TLK1: variants seen among roughly 807,000 people sequenced by gnomAD.
TLK1 encodes the protein tousled like kinase 1.
Under a neutral mutation model 105.3 loss-of-function variants are expected in TLK1, and 24 were observed. The observed-to-expected ratio is 0.23, with a 90% CI of 0.17 to 0.32. The LOEUF is 0.32. Among genes scored for constraint, TLK1 ranks in the 10% least tolerant of loss-of-function variants. The pLI is 1.00. For missense variants in TLK1, 558 were observed against 910.5 expected, an observed-to-expected ratio of 0.61 and a Z score of 4.98; for synonymous variants, 321 against 310.4, an observed-to-expected ratio of 1.03 and a Z score of -0.36.
intron 12 of TLK1, among the ~76,000 whole-genome samples, chr2:171,017,948 G>A (rs893809146): frequency 6.6e-6 from 1 of 152,168 alleles, no homozygotes; most frequent in Non-Finnish European, 1.5e-5. Flanking sequence ...CAAGCAAACT[G>A]ACACACTTCT....
At position 171,130,024 on chromosome 2, in the gene TLK1, G is replaced by T. The variant is rs550000482; in HGVS notation, c.140-12167C>A. ...ATTTATTTTAACAATACAGCCAGCT[G>T]TAAGGTTAAGAACATGGGCTCTGTG... On this transcript the variant is annotated intron_variant, in intron 1 of 20. Transcript: ENST00000431350. Among the ~76,000 whole-genome samples the T allele has an allele frequency of 8.5e-5, 13 of 152,264 alleles. No homozygotes were observed. The South Asian group carries it at 2.7e-3, about 32-fold the overall frequency.
At position 171,050,053 on chromosome 2, in the gene TLK1, T is replaced by G. The variant is rs1248465857; in HGVS notation, c.843+11A>C. 2.5e-6 allele frequency: 4 copies of G among 1,604,948 alleles called. No individual in the cohort carries two copies. In the South Asian group the frequency reaches 4.4e-5, roughly 18 times the overall value. On this transcript the variant is annotated intron_variant, in intron 9 of 20. Coordinates refer to ENST00000431350, the MANE Select transcript of TLK1 (RefSeq NM_012290.5). The stretch of plus-strand genomic sequence containing the variant: ...AAGGGAAAGCGAAAATTTACTCAAC[T>G]TTTAGCCTACCTTTTCAATAAGAAG...
intron 1 of TLK1, among the ~76,000 whole-genome samples, chr2:171,199,149 T>C (rs943723940): frequency 2.0e-5 from 3 of 152,220 alleles, no homozygotes; most frequent in Non-Finnish European, 2.9e-5. Context: ...GGAATGTGCA[T>C]GTGTATCTGC....
At chr2:171,131,995 T>C (rs1019944547) in intron 1 of TLK1, among the ~76,000 whole-genome samples, 4 of 152,246 alleles carry the variant, frequency 2.6e-5, no homozygotes, top group African/African-American at 7.2e-5. Flanking sequence ...TGAAAGATCT[T>C]ACATAAAATC....
intron 2 of TLK1, among the ~76,000 whole-genome samples, chr2:171,084,280 G>A (rs183800736): frequency 6.6e-6 from 1 of 152,258 alleles, no homozygotes; most frequent in East Asian, 1.9e-4. Flanking sequence ...GACTAAGTGG[G>A]AGGAGTCCAC....
intron 1 of TLK1, among the ~76,000 whole-genome samples, chr2:171,142,035 T>C (rs1421986707): frequency 6.6e-6 from 1 of 152,166 alleles, no homozygotes; most frequent in Non-Finnish European, 1.5e-5. Flanking sequence ...AGTTAATGTT[T>C]TCTAATGTTG....
chr2:171,133,646 C>A (rs2105561651), intron 1 of TLK1, among the ~76,000 whole-genome samples: 1 of 151,966 alleles, frequency 6.6e-6, no homozygotes, highest in Middle Eastern at 3.4e-3. Context: ...GGAATGGTTT[C>A]TTTCTGGCTT....
At chr2:171,111,062 G>A (rs1690137205) in intron 2 of TLK1, among the ~76,000 whole-genome samples, 2 of 151,584 alleles carry the variant, frequency 1.3e-5, no homozygotes, top group South Asian at 2.1e-4. Flanking sequence ...GCGGAAAAGG[G>A]AGAAGAAAAA....
intron 1 of TLK1, among the ~76,000 whole-genome samples, chr2:171,136,618 G>A (rs1478839447): frequency 6.6e-6 from 1 of 152,146 alleles, no homozygotes; most frequent in Non-Finnish European, 1.5e-5. Context: ...TTTATGTCGT[G>A]TGTTTTTTAA....
intron 8 of TLK1, 46 bp from the exon 9 acceptor site, chr2:171,050,220 G>A (rs1175978795): frequency 1.6e-6 from 2 of 1,288,946 alleles, no homozygotes; most frequent in South Asian, 2.9e-5. Flanking sequence ...TGGGGAATAT[G>A]AAAAGCTTAG....
At chr2:171,150,790 A>G (rs1202333635) in intron 1 of TLK1, among the ~76,000 whole-genome samples, 1 of 152,206 alleles carries the variant, frequency 6.6e-6, no homozygotes, top group Non-Finnish European at 1.5e-5. Flanking sequence ...TCCACATACA[A>G]TACCCAGTAT....
At chr2:171,166,713 C>T (rs1293764817) in intron 1 of TLK1, among the ~76,000 whole-genome samples, 4 of 152,292 alleles carry the variant, frequency 2.6e-5, no homozygotes, top group South Asian at 2.1e-4. Context: ...CTGGCAGTTC[C>T]GTTCCAAAGA....
chr2:171,214,244 G>A (rs1693673069), intron 1 of TLK1, among the ~76,000 whole-genome samples: 2 of 152,174 alleles, frequency 1.3e-5, no homozygotes, highest in Admixed American at 1.3e-4. Context: ...TGGGCAAGGT[G>A]GGACCTAGTG....
intron 1 of TLK1, among the ~76,000 whole-genome samples, chr2:171,154,226 A>G (rs1692150427): frequency 6.6e-6 from 1 of 152,112 alleles, no homozygotes; most frequent in Non-Finnish European, 1.5e-5. Context: ...TAACCTTGCA[A>G]AGGTTATACT....
chr2:171,038,818 A>G (rs1308690480), intron 11 of TLK1, among the ~76,000 whole-genome samples: 1 of 152,206 alleles, frequency 6.6e-6, no homozygotes, highest in Non-Finnish European at 1.5e-5. Flanking sequence ...GAGGTATTCT[A>G]TATATGTCCA....
At chr2:171,221,445 A>G (rs1168182572) in intron 1 of TLK1, among the ~76,000 whole-genome samples, 1 of 152,234 alleles carries the variant, frequency 6.6e-6, no homozygotes, top group Non-Finnish European at 1.5e-5. Context: ...AACACCTTGG[A>G]GGAAAGAAGA....
chr2:171,027,646 G>A (rs1028346880), intron 12 of TLK1, among the ~76,000 whole-genome samples: 1 of 152,084 alleles, frequency 6.6e-6, no homozygotes, highest in Non-Finnish European at 1.5e-5. Flanking sequence ...ATTTACAATT[G>A]CTATTTTATT....
chr2:171,020,572 TAAAA>T lies in TLK1; in HGVS notation c.1237-5628_1237-5625del, dbSNP rs558020246. On this transcript the variant is annotated intron_variant, in intron 12 of 20. Transcript: ENST00000431350. The stretch of plus-strand genomic sequence containing the variant: ...AGAAAAAAAGAAAAAAAAAGCTAAT[TAAAA>T]GGAAGGGCAGTGCAAAAAAACAATT... Among the ~76,000 whole-genome samples, 280 of 151,430 alleles carry T rather than the reference TAAAA, an allele frequency of 1.8e-3. 2 individuals carry two copies. The highest frequency in any genetic ancestry group is 6.4e-3 in the African/African-American group (266 of 41,312).
At chr2:171,213,357 C>T (rs1164597960) in intron 1 of TLK1, among the ~76,000 whole-genome samples, 2 of 151,786 alleles carry the variant, frequency 1.3e-5, no homozygotes, top group Non-Finnish European at 2.9e-5. Flanking sequence ...CATGCACCAC[C>T]GTGCCCAGCT....
Sources: allele counts gnomAD v4.1 joint callset (sites outside exome capture counted in the v4.1 genomes callset), GRCh38; gene constraint gnomAD v4.1.1; transcripts MANE v1.5; gene names NCBI Gene and HGNC (gene_info 2026-07-23, HGNC 2026-07-21).